Variants in ARHGEF38 observed in about 807,000 individuals in gnomAD.
ARHGEF38 encodes Rho guanine nucleotide exchange factor 38, also known as Rho guanine nucleotide exchange factor (GEF) 38.
ARHGEF38 carries 79 observed loss-of-function variants against 79.9 expected under a neutral mutation model. The observed-to-expected ratio is 0.99, with a 90% CI of 0.82 to 1.19. The LOEUF (loss-of-function observed/expected upper bound fraction) is 1.19, where lower values mean the gene tolerates loss of function less well. ARHGEF38 is among the 50% of genes most tolerant of loss of function. The pLI, the probability that ARHGEF38 is intolerant of heterozygous loss-of-function variation, is 0.00. For synonymous variants in ARHGEF38, 366 were observed against 328.3 expected, an observed-to-expected ratio of 1.11 and a Z score of -1.24; for missense variants, 962 against 907.2, an observed-to-expected ratio of 1.06 and a Z score of -0.78.
In ARHGEF38 at chr4:105,667,339, C is replaced by T; in HGVS notation, c.1888+12C>T. 6.5e-7 allele frequency: 1 copy of T among 1,535,340 alleles called. No individual in the cohort carries two copies. Reference sequence around the variant, plus strand: ...TGTGGACACAGGAAGTAAGTTTTTCCCCAGAACTACCACTCTTCTTTAAAC... The same window carrying T: ...TGTGGACACAGGAAGTAAGTTTTTCTCCAGAACTACCACTCTTCTTTAAAC... On this transcript the variant is annotated intron_variant, in intron 12 of 13. Transcript: ENST00000420470.
rs541649800 is a variant in ARHGEF38 at position 105,596,497 on chromosome 4, G to A, written c.384+7062G>A. ...CCAAGTATCCCTGAAAGGAGACAGG[G>A]AGGAGGGGAATATAGATGTACTATA... On this transcript the variant is annotated intron_variant, in intron 2 of 13. Transcript: ENST00000420470. Among the ~76,000 whole-genome samples, 20 of 152,272 alleles carry A rather than the reference G, an allele frequency of 1.3e-4. No individual in the cohort carries two copies. The South Asian group carries it at 3.1e-3, about 24-fold the overall frequency.
rs141034807 is a variant in ARHGEF38 at position 105,569,119 on chromosome 4, C to G, written c.196+16158C>G. Among the ~76,000 whole-genome samples, 300 of 152,300 alleles carry G rather than the reference C, an allele frequency of 2.0e-3. 1 individual carries two copies. The highest frequency in any genetic ancestry group is 7.0e-3 in the African/African-American group (290 of 41,560). On this transcript the variant is annotated intron_variant, in intron 1 of 13. Coordinates refer to ENST00000420470, the MANE Select transcript of ARHGEF38 (RefSeq NM_001242729.2). ...TTTACAAGTAATAATAAGCTGTGTA[C>G]TTTAGCAGGACACAGCTGTTTAATC...
chr4:105,561,016 TA>T (rs1725493677), intron 1 of ARHGEF38, among the ~76,000 whole-genome samples: 2 of 152,174 alleles, frequency 1.3e-5, no homozygotes, highest in African/African-American at 2.4e-5. Context: ...TTACTATATT[TA>T]GCTGCTAGGA....
chr4:105,671,535 C>T (rs1313657184), intron 13 of ARHGEF38, among the ~76,000 whole-genome samples: 1 of 152,164 alleles, frequency 6.6e-6, no homozygotes, highest in Non-Finnish European at 1.5e-5. Context: ...TGTGCCTAAT[C>T]CTTGCCCCAG....
At chr4:105,676,325 G>A (rs1158414239) in intron 13 of ARHGEF38, among the ~76,000 whole-genome samples, 1 of 152,166 alleles carries the variant, frequency 6.6e-6, no homozygotes, top group African/African-American at 2.4e-5. Flanking sequence ...ATTTATGAAA[G>A]ATAACTTATT....
intron 2 of ARHGEF38, among the ~76,000 whole-genome samples, chr4:105,608,084 C>T (rs750117186): frequency 9.2e-5 from 14 of 152,170 alleles, no homozygotes; most frequent in South Asian, 4.1e-4. Context: ...GATGAGGGCC[C>T]GCTTTCTAGA....
chr4:105,663,215 C>T (rs1448271220), intron 10 of ARHGEF38, among the ~76,000 whole-genome samples: 2 of 152,060 alleles, frequency 1.3e-5, no homozygotes, highest in Non-Finnish European at 2.9e-5. Flanking sequence ...AATACCTGCT[C>T]ACTGCTATAC....
intron 1 of ARHGEF38, among the ~76,000 whole-genome samples, chr4:105,554,301 C>T (rs1464574610): frequency 1.3e-5 from 2 of 152,114 alleles, no homozygotes; most frequent in Non-Finnish European, 2.9e-5. Flanking sequence ...GATCTCATCA[C>T]CTGGGTACTG....
In ARHGEF38 at chr4:105,634,248, G is replaced by A. The variant is rs559978916; in HGVS notation, c.657-2155G>A. ...CATACTTGCTGCTTTCCCTGAAGCA[G>A]GTGGGTTTTTTCATCAATATAGATA... On this transcript the variant is annotated intron_variant, in intron 4 of 13. Transcript: ENST00000420470. Among the ~76,000 whole-genome samples, 49 of 152,258 alleles carry A rather than the reference G, an allele frequency of 3.2e-4. 1 individual carries two copies. Among genetic ancestry groups the A allele is most frequent in the Admixed American group, 1.6e-3 (25 of 15,284 alleles).
intron 5 of ARHGEF38, among the ~76,000 whole-genome samples, chr4:105,643,834 A>G (rs989735631): frequency 6.6e-6 from 1 of 151,536 alleles, no homozygotes; most frequent in Non-Finnish European, 1.5e-5. Context: ...TCATTTATCA[A>G]ATGAATTGAA....
intron 4 of ARHGEF38, among the ~76,000 whole-genome samples, chr4:105,633,524 CA>C (rs1190183374): frequency 6.6e-6 from 1 of 152,116 alleles, no homozygotes; most frequent in Non-Finnish European, 1.5e-5. Context: ...GTGCAGTTGC[CA>C]ATTTCTAATG....
At chr4:105,658,042 G>T (rs1427600581) in intron 9 of ARHGEF38, among the ~76,000 whole-genome samples, 2 of 152,158 alleles carry the variant, frequency 1.3e-5, no homozygotes, top group African/African-American at 4.8e-5. Flanking sequence ...GGATGATCAG[G>T]TTATGTCATG....
At chr4:105,558,760 C>T (rs1011422916) in intron 1 of ARHGEF38, among the ~76,000 whole-genome samples, 1 of 151,204 alleles carries the variant, frequency 6.6e-6, no homozygotes, top group African/African-American at 2.4e-5. Flanking sequence ...TATGTTTGAC[C>T]GATATGACTT....
chr4:105,563,540 T>C (rs188439999), intron 1 of ARHGEF38, among the ~76,000 whole-genome samples: 63 of 152,302 alleles, frequency 4.1e-4, no homozygotes, highest in Non-Finnish European at 8.1e-4. Flanking sequence ...TTAAGAGAGG[T>C]ATAAGCATTC....
chr4:105,651,315 T>C (rs1286902188), intron 7 of ARHGEF38, among the ~76,000 whole-genome samples: 1 of 152,204 alleles, frequency 6.6e-6, no homozygotes, highest in African/African-American at 2.4e-5. Flanking sequence ...AAGAGATAAA[T>C]CTCAAATCAA....
intron 3 of ARHGEF38, among the ~76,000 whole-genome samples, chr4:105,614,007 G>T (rs1210671925): frequency 6.6e-6 from 1 of 151,398 alleles, no homozygotes; most frequent in Non-Finnish European, 1.5e-5. Flanking sequence ...CTTTTTTTCT[G>T]TATTATTTAC....
At chr4:105,562,132 T>C (rs1171811309) in intron 1 of ARHGEF38, among the ~76,000 whole-genome samples, 1 of 152,188 alleles carries the variant, frequency 6.6e-6, no homozygotes, top group Non-Finnish European at 1.5e-5. Flanking sequence ...GAGCCCTTCC[T>C]GCATCTGCTA....
chr4:105,602,268 C>A (rs1262410269), intron 2 of ARHGEF38, among the ~76,000 whole-genome samples: 1 of 152,122 alleles, frequency 6.6e-6, no homozygotes, highest in Non-Finnish European at 1.5e-5. Flanking sequence ...ATAAAAATAA[C>A]TGGAGTAAGA....
chr4:105,582,764 T>C (rs1726858437), intron 1 of ARHGEF38, among the ~76,000 whole-genome samples: 1 of 152,306 alleles, frequency 6.6e-6, no homozygotes, highest in South Asian at 2.1e-4. Context: ...CTATTAAGAC[T>C]GATTTGTCAA....
Sources: gnomAD v4.1 joint callset for allele counts (sites outside exome capture counted in the v4.1 genomes callset) on GRCh38, gnomAD v4.1.1 for gene constraint, MANE v1.5 for transcripts, NCBI Gene and HGNC (gene_info 2026-07-23, HGNC 2026-07-21) for gene names.